Variants in HELT observed in about 807,000 individuals in gnomAD.
HELT encodes hairy and enhancer of split-related protein HELT.
Under a neutral mutation model 19.5 loss-of-function variants are expected in HELT, and 9 were observed. That is an observed-to-expected ratio of 0.46 (90% CI 0.28 to 0.80). The LOEUF is 0.80. HELT is among the 30% of genes least tolerant of loss of function. The pLI is 0.12. For synonymous variants in HELT, 162 were observed against 148.3 expected (o/e 1.09, Z -0.67); for missense variants, 366 against 326.3 (o/e 1.12, Z -0.94).
At chr4:185,018,992 G>A (rs1409725042) in intron 1 of HELT, 37 bp downstream of exon 1, 3 of 1,613,950 alleles carry the variant, frequency 1.9e-6, no homozygotes, top group South Asian at 1.1e-5. Context: ...TTGCGCCCTG[G>A]TGGTGGAGGC....
intron 2 of HELT, 37 bp from the exon 3 acceptor site, chr4:185,019,710 G>A (rs200553065): frequency 5.6e-5 from 91 of 1,611,982 alleles, no homozygotes; most frequent in Non-Finnish European, 7.0e-5. Flanking sequence ...ACCAGCAGGC[G>A]CTGGGCCGCT....
In HELT at chr4:185,020,338, G is replaced by A. The variant is rs749922817; in HGVS notation, c.295G>A (p.Val99Met). Reference protein sequence around the residue: ...YGYHECMKNLVHYLTTVERME... With the variant: ...YGYHECMKNLMHYLTTVERME... The stretch of plus-strand genomic sequence containing the variant: ...CTACCACGAGTGCATGAAGAACCTG[G>A]TGCATTACCTCACCACGGTGGAGCG... The change falls in exon 4 of 4, where the codon GTG becomes ATG. Residue 99 changes from valine to methionine, a missense_variant. Coordinates refer to ENST00000515777, the MANE Select transcript of HELT (RefSeq NM_001300781.2). 1.9e-5 allele frequency: 30 copies of A among 1,614,218 alleles called. No homozygotes were observed. In the Admixed American group the frequency reaches 5.0e-4, roughly 27 times the overall value.
chr4:185,020,547 G>C lies in HELT; in HGVS notation c.504G>C (p.Pro168=). The change falls in exon 4 of 4, where the codon CCG becomes CCC. Residue 168 remains proline (P), a synonymous_variant. Coordinates refer to ENST00000515777, the MANE Select transcript of HELT (RefSeq NM_001300781.2). ...GHSPGEAAVF[P]QGSGAGPFPW... ...GCCCGGGCGAGGCCGCTGTGTTCCC[G>C]CAGGGCTCTGGTGCCGGGCCTTTCC... is the stretch of plus-strand genomic sequence containing the variant. The C allele has an allele frequency of 6.2e-7, 1 of 1,605,346 alleles. No individual in the cohort carries two copies. The highest frequency in any genetic ancestry group is 8.5e-7 in the Non-Finnish European group (1 of 1,178,948).
At chr4:185,019,152 C>T in intron 1 of HELT, 197 bp downstream of exon 1, 2 of 1,522,876 alleles carry the variant, frequency 1.3e-6, no homozygotes, top group East Asian at 2.3e-5. Context: ...TGCCTGGAGG[C>T]TGGCGGCCAC....
chr4:185,020,658 C>A lies in HELT; in HGVS notation c.615C>A (p.His205Gln). The A allele has an allele frequency of 1.2e-6, 2 of 1,604,604 alleles. No individual in the cohort carries two copies. The highest frequency in any genetic ancestry group is 1.1e-5 in the South Asian group (1 of 90,878). The change falls in exon 4 of 4, where the codon CAC (histidine) becomes CAA (glutamine). Residue 205 changes from histidine to glutamine, a missense_variant. Physicochemically the swap from His to Gln is conservative, Grantham distance 24 (BLOSUM62 0). Coordinates refer to ENST00000515777, the MANE Select transcript of HELT (RefSeq NM_001300781.2). ...PVPLASPAQQ[H>Q]SPFLTPVQGL... ...CGCTCGCTAGCCCAGCGCAGCAGCA[C>A]AGCCCCTTCCTGACACCGGTGCAGG... is the stretch of plus-strand genomic sequence containing the variant.
chr4:185,019,929 G>A, intron 3 of HELT, 86 bp downstream of exon 3: 1 of 1,229,502 alleles, frequency 8.1e-7, no homozygotes, highest in Non-Finnish European at 1.2e-6. Flanking sequence ...GTGACTGAGT[G>A]TTCCCGAGAG....
At chr4:185,019,945 C>A in intron 3 of HELT, 102 bp downstream of exon 3, 3 of 1,073,196 alleles carry the variant, frequency 2.8e-6, no homozygotes, top group African/African-American at 1.6e-5. Flanking sequence ...GAGAGCTCTA[C>A]TAGAGCTCCA....
Position 185,020,255 on chromosome 4 carries a change from G to A in HELT, c.230-18G>A. The A allele has an allele frequency of 1.2e-6, 2 of 1,608,156 alleles. No individual in the cohort carries two copies. Among genetic ancestry groups the A allele is most frequent in the South Asian group, 1.1e-5 (1 of 90,466 alleles). ...CACTCAGGGTGTGTCCGTCCTACGG[G>A]CTTTCTCGTTCCTCCAGCAGAACTT... On this transcript the variant is annotated intron_variant, in intron 3 of 3. Coordinates refer to ENST00000515777, the MANE Select transcript of HELT (RefSeq NM_001300781.2).
At position 185,018,691 on chromosome 4, in the gene HELT, T is replaced by C. The variant is rs545158151; in HGVS notation, c.-238T>C. 20 of 402,992 alleles carry C rather than the reference T, an allele frequency of 5.0e-5. No individual in the cohort carries two copies. Among genetic ancestry groups the C allele is most frequent in the African/African-American group, 3.9e-4 (19 of 48,754 alleles). The allele number at this position is 402,992 out of a possible 1,614,324, so 25.0% of individuals were successfully genotyped here. On this transcript the variant is annotated 5_prime_UTR_variant, in exon 1 of 4. Transcript: ENST00000515777. Reference sequence around the variant, plus strand: ...CCCCCTCGGCTGCTAATTTTTTTTTTTTCTTAACTTCTTTAAAACTGATCT... The same window carrying C: ...CCCCCTCGGCTGCTAATTTTTTTTTCTTCTTAACTTCTTTAAAACTGATCT...
At chr4:185,019,262 C>T in intron 1 of HELT, 125 bp from the exon 2 acceptor site, 1 of 1,117,058 alleles carries the variant, frequency 9.0e-7, no homozygotes, top group Non-Finnish European at 1.3e-6. Context: ...GCCAGGAGTC[C>T]CTTCCTAGAG....
In HELT at chr4:185,018,844, T is replaced by C; in HGVS notation, c.-85T>C. ...CGGAGTTGGGAGGCTGCAGTCTACCTGGGACACTCGAGGAGGCACACGAGG... is the reference window on the plus strand; with the variant it reads ...CGGAGTTGGGAGGCTGCAGTCTACCCGGGACACTCGAGGAGGCACACGAGG... On this transcript the variant is annotated 5_prime_UTR_variant, in exon 1 of 4. Transcript: ENST00000515777. 6.9e-7 allele frequency: 1 copy of C among 1,443,784 alleles called. No individual in the cohort carries two copies. The highest frequency in any genetic ancestry group is 2.3e-5 in the East Asian group (1 of 43,256). The allele number at this position is 1,443,784 out of a possible 1,614,324, so 89.4% of individuals were successfully genotyped here.
chr4:185,019,589 T>G, intron 2 of HELT, 98 bp downstream of exon 2: 1 of 1,559,456 alleles, frequency 6.4e-7, no homozygotes, highest in Non-Finnish European at 8.7e-7. Context: ...GGACCTCACT[T>G]GCGGGCCCCT....
rs1254269875 is a variant in HELT, at chr4:185,018,598, T to A, written c.-331T>A. ...CGAGCTGTTGCCATGCAAATGTTAT[T>A]CCTGGGCCGATCACGTGTCCTTTGA... On this transcript the variant is annotated 5_prime_UTR_variant, in exon 1 of 4. Transcript: ENST00000515777. Among the ~76,000 whole-genome samples the A allele has an allele frequency of 6.6e-6, 1 of 152,060 alleles. No individual in the cohort carries two copies. Among genetic ancestry groups the A allele is most frequent in the Non-Finnish European group, 1.5e-5 (1 of 68,008 alleles).
Position 185,020,676 on chromosome 4 carries a change from G to C in HELT, c.633G>C (p.Pro211=). ...AGCAGCACAGCCCCTTCCTGACACC[G>C]GTGCAGGGCCTGGACCGGCATTACC... ...PAQQHSPFLT[P]VQGLDRHYLN... is the part of the protein sequence containing the mutation. The change falls in exon 4 of 4, where the codon CCG becomes CCC. Residue 211 remains proline (P), a synonymous_variant. Transcript: ENST00000515777. The C allele has an allele frequency of 1.9e-6, 3 of 1,604,372 alleles. No individual in the cohort carries two copies. Among genetic ancestry groups the C allele is most frequent in the East Asian group, 2.2e-5 (1 of 44,746 alleles).
chr4:185,019,548 C>T, intron 2 of HELT, 57 bp downstream of exon 2: 3 of 1,558,986 alleles, frequency 1.9e-6, no homozygotes, highest in South Asian at 1.2e-5. Context: ...TGCGGCCACT[C>T]TGCGGAGACG....
At position 185,020,926 on chromosome 4, in the gene HELT, A is replaced by G. The variant is rs1734060192; in HGVS notation, c.*154A>G. 7.7e-6 allele frequency: 7 copies of G among 912,498 alleles called. No individual in the cohort carries two copies. In the East Asian group the frequency reaches 2.2e-4, roughly 28 times the overall value. 56.5% of individuals were successfully genotyped at this position (912,498 alleles called of 1,614,324 possible). A position where few individuals can be genotyped will look rare whatever the true frequency, so the allele number is the denominator to read the frequency against. ...GTCTTCTGAAGGATCTCCCCCTGGTAATAAACGTTTTCTGATAAAGACCCA... is the reference window on the plus strand; with the variant it reads ...GTCTTCTGAAGGATCTCCCCCTGGTGATAAACGTTTTCTGATAAAGACCCA... On this transcript the variant is annotated 3_prime_UTR_variant, in exon 4 of 4. Coordinates refer to ENST00000515777, the MANE Select transcript of HELT (RefSeq NM_001300781.2).
Position 185,020,749 on chromosome 4 carries a change from C to T in HELT, c.706C>T (p.Pro236Ser), listed in dbSNP as rs372856602. 1.6e-5 allele frequency: 24 copies of T among 1,540,352 alleles called. No individual in the cohort carries two copies. Among genetic ancestry groups the T allele is most frequent in the Non-Finnish European group, 1.7e-5 (20 of 1,151,376 alleles). ...CCCCAACGCCCTTAACCTGCACACG[C>T]CCCAGCACCCCCCGGTGCTCTGACG... ...AHPNALNLHT[P>S]QHPPVL is the part of the protein sequence containing the mutation. Residue 236 changes from proline to serine, a missense_variant, in exon 4 of 4, where the codon CCC (proline) becomes TCC (serine). Transcript: ENST00000515777.
Position 185,019,670 on chromosome 4 carries a change from C to G in HELT, c.133-77C>G, listed in dbSNP as rs758698183. On this transcript the variant is annotated intron_variant, in intron 2 of 3. Transcript: ENST00000515777. Reference sequence around the variant, plus strand: ...GCGCAGATCCGCAGCCGCGTCCGCTCGCTGGTCCTCTCCAGCGCCACAGTG... The same window carrying G: ...GCGCAGATCCGCAGCCGCGTCCGCTGGCTGGTCCTCTCCAGCGCCACAGTG... The G allele has an allele frequency of 6.2e-7, 1 of 1,610,326 alleles. No individual in the cohort carries two copies. Among genetic ancestry groups the G allele is most frequent in the Non-Finnish European group, 8.5e-7 (1 of 1,178,912 alleles).
In HELT at chr4:185,019,583, C is replaced by T. The variant is rs559701801; in HGVS notation, c.132+92C>T. 8.9e-5 allele frequency: 138 copies of T among 1,556,706 alleles called. 2 individuals are homozygous for T. In the South Asian group the frequency reaches 1.5e-3, roughly 17 times the overall value. ...GCCCGAGCCCGCGGACACAGAGGAC[C>T]TCACTTGCGGGCCCCTCCCAGGCGG... On this transcript the variant is annotated intron_variant, in intron 2 of 3. Transcript: ENST00000515777.
Sources: allele counts gnomAD v4.1 joint callset (sites outside exome capture counted in the v4.1 genomes callset), GRCh38; gene constraint gnomAD v4.1.1; transcripts MANE v1.5; gene names NCBI Gene and HGNC (gene_info 2026-07-23, HGNC 2026-07-21).